SRCIN1: variants seen among roughly 807,000 people sequenced by gnomAD.
SRCIN1 encodes the protein P130Cas-associated protein.
A neutral mutation model predicts 116.2 loss-of-function variants in SRCIN1; 50 were observed. The ratio of observed to expected loss-of-function variants is 0.43; its 90% CI spans 0.34 to 0.54. The LOEUF (loss-of-function observed/expected upper bound fraction) is 0.54. Among genes scored for constraint, SRCIN1 ranks in the 20% least tolerant of loss-of-function variants. The probability of loss-of-function intolerance (pLI) is 0.02; values close to 1 mark genes in which losing one functional copy is unlikely to be tolerated. For synonymous variants in SRCIN1, 736 were observed against 750.0 expected, an observed-to-expected ratio of 0.98 and a Z score of 0.30; for missense variants, 1,446 against 1,672.0, an observed-to-expected ratio of 0.86 and a Z score of 2.36.
chr17:38,561,117 T>C (rs1348395338), intron 7 of SRCIN1, among the ~76,000 whole-genome samples: 1 of 152,196 alleles, frequency 6.6e-6, no homozygotes, highest in African/African-American at 2.4e-5. Context: ...CTGCAAACTC[T>C]TAAGCTGGAA....
intron 18 of SRCIN1, among the ~76,000 whole-genome samples, chr17:38,534,847 G>T (rs1035939572): frequency 1.3e-5 from 2 of 152,198 alleles, no homozygotes; most frequent in Non-Finnish European, 2.9e-5. Context: ...CAAAACAAGG[G>T]CCGGGTGTGG....
chr17:38,553,536 G>A (rs1010030368), intron 11 of SRCIN1, among the ~76,000 whole-genome samples: 2 of 152,084 alleles, frequency 1.3e-5, no homozygotes, highest in Non-Finnish European at 2.9e-5. Flanking sequence ...CTCTTGTCTC[G>A]GGGGAAACTG....
chr17:38,549,440 T>C (rs912788358), intron 15 of SRCIN1, among the ~76,000 whole-genome samples: 7 of 152,154 alleles, frequency 4.6e-5, no homozygotes, highest in African/African-American at 1.4e-4. Context: ...CCAAGTGTTG[T>C]CTGTGGACCA....
chr17:38,594,168 C>T (rs545907891), intron 1 of SRCIN1, among the ~76,000 whole-genome samples: 6 of 152,176 alleles, frequency 3.9e-5, no homozygotes, highest in African/African-American at 1.2e-4. Context: ...TGCAGGGAAG[C>T]GGGGGTAACT....
chr17:38,569,365 G>C (rs1906928457), intron 2 of SRCIN1, among the ~76,000 whole-genome samples: 1 of 152,178 alleles, frequency 6.6e-6, no homozygotes, highest in Non-Finnish European at 1.5e-5. Flanking sequence ...GGGGGTGCCT[G>C]GCACGAGCAG....
At chr17:38,535,773 C>T (rs1415495998) in intron 18 of SRCIN1, among the ~76,000 whole-genome samples, 4 of 152,142 alleles carry the variant, frequency 2.6e-5, no homozygotes, top group Non-Finnish European at 4.4e-5. Flanking sequence ...AAAGTTCTTT[C>T]CCCCAAAGCC....
intron 11 of SRCIN1, among the ~76,000 whole-genome samples, chr17:38,556,470 C>T (rs1567861473): frequency 6.6e-6 from 1 of 152,260 alleles, no homozygotes; most frequent in Non-Finnish European, 1.5e-5. Context: ...CCAGTTTTAA[C>T]TTCCAGCAAG....
chr17:38,564,449 A>G, intron 3 of SRCIN1, 136 bp from the exon 4 acceptor site: 1 of 939,140 alleles, frequency 1.1e-6, no homozygotes, highest in Admixed American at 2.9e-5. Flanking sequence ...TCCCACACAG[A>G]TTACAGACTC....
chr17:38,595,960 C>T (rs1051116137), intron 1 of SRCIN1, among the ~76,000 whole-genome samples: 7 of 152,244 alleles, frequency 4.6e-5, no homozygotes, highest in African/African-American at 1.7e-4. Context: ...ATAGCCCCCT[C>T]TCCGTTTCTG....
intron 1 of SRCIN1, among the ~76,000 whole-genome samples, chr17:38,603,850 C>G (rs373981290): frequency 6.6e-6 from 1 of 152,170 alleles, no homozygotes; most frequent in Non-Finnish European, 1.5e-5. Context: ...TCCCCAGCAA[C>G]TCTCAGCTTG....
At chr17:38,587,669 A>G (rs2143383148) in intron 1 of SRCIN1, among the ~76,000 whole-genome samples, 1 of 152,252 alleles carries the variant, frequency 6.6e-6, no homozygotes, top group African/African-American at 2.4e-5. Flanking sequence ...CACGGGCCCC[A>G]GGAGGACACA....
chr17:38,571,173 G>C (rs925202812), intron 2 of SRCIN1, among the ~76,000 whole-genome samples: 5 of 152,268 alleles, frequency 3.3e-5, no homozygotes, highest in South Asian at 2.1e-4. Flanking sequence ...GCGTGACTGA[G>C]AGCAAAGGGC....
chr17:38,566,886 CTTCCTTCCTTCCTTCT>C (rs1376846838), intron 3 of SRCIN1, among the ~76,000 whole-genome samples: 4 of 148,652 alleles, frequency 2.7e-5, no homozygotes, highest in African/African-American at 7.6e-5. Context: ...TCCTTCCTTC[CTTCCTTCCTTCCTTCT>C]TTCCTTCCTT....
At position 38,548,723 on chromosome 17, in the gene SRCIN1, G is replaced by A. The variant is rs1186626128; in HGVS notation, c.3118-14C>T. ...GGACTCAGCCTTCTGCAAGGCCCGG[G>A]ACTCCTGTCAAGGCCAGGCTCTGCC... is the stretch of plus-strand genomic sequence containing the variant. On this transcript the variant is annotated splice_polypyrimidine_tract_variant and intron_variant, in intron 16 of 18. Coordinates refer to ENST00000617146, the MANE Select transcript of SRCIN1 (RefSeq NM_025248.3). 3 of 1,577,292 alleles carry A rather than the reference G, an allele frequency of 1.9e-6. No individual in the cohort carries two copies. The highest frequency in any genetic ancestry group is 2.6e-6 in the Non-Finnish European group (3 of 1,164,714).
intron 17 of SRCIN1, among the ~76,000 whole-genome samples, chr17:38,546,922 C>T (rs1380262073): frequency 1.3e-5 from 2 of 152,214 alleles, no homozygotes; most frequent in Admixed American, 1.3e-4. Context: ...CGGAGCCCCC[C>T]TGCCTCAACC....
At chr17:38,578,825 G>C in intron 1 of SRCIN1, 34 bp from the exon 2 acceptor site, 5 of 1,452,640 alleles carry the variant, frequency 3.4e-6, no homozygotes, top group Non-Finnish European at 4.5e-6. Context: ...GCTGGGTCAC[G>C]GCGCGCCCGG....
chr17:38,587,262 G>A (rs1015035705), intron 1 of SRCIN1, among the ~76,000 whole-genome samples: 8 of 152,078 alleles, frequency 5.3e-5, no homozygotes, highest in Non-Finnish European at 1.2e-4. Context: ...CTTGGCCTCG[G>A]TGCCACCTCC....
chr17:38,563,717 C>T lies in SRCIN1; in HGVS notation c.542-196G>A, dbSNP rs1394369720. On this transcript the variant is annotated intron_variant, in intron 4 of 18. Transcript: ENST00000617146. The surrounding 1 kb of genome is among the most constrained non-coding windows in gnomAD (Gnocchi z 5.8). Reference sequence around the variant, plus strand: ...GCGCCAGGCCGGCTCTCCAGCCTCTCAAGGCACCCACTGGACTCCAGGCAG... The same window carrying T: ...GCGCCAGGCCGGCTCTCCAGCCTCTTAAGGCACCCACTGGACTCCAGGCAG... 3 of 772,662 alleles carry T rather than the reference C, an allele frequency of 3.9e-6. No individual in the cohort carries two copies. The East Asian group carries it at 8.0e-5, about 21-fold the overall frequency. 47.9% of individuals were successfully genotyped at this position (772,662 alleles called of 1,614,324 possible).
intron 1 of SRCIN1, among the ~76,000 whole-genome samples, chr17:38,581,971 C>G (rs777869753): frequency 6.6e-6 from 1 of 152,176 alleles, no homozygotes; most frequent in African/African-American, 2.4e-5. Context: ...AAGGAGGGGA[C>G]CCTCTGAGGC....
Sources: allele counts gnomAD v4.1 joint callset (sites outside exome capture counted in the v4.1 genomes callset), GRCh38; gene constraint gnomAD v4.1.1; non-coding constraint Gnocchi (gnomAD v3.1); transcripts MANE v1.5; gene names NCBI Gene and HGNC (gene_info 2026-07-23, HGNC 2026-07-21).